NUDCD3: variants seen among roughly 807,000 people sequenced by gnomAD.
NUDCD3 encodes NudC domain containing 3.
NUDCD3 carries 13 observed loss-of-function variants against 39.7 expected under a neutral mutation model. The observed-to-expected ratio is 0.33, with a 90% CI of 0.21 to 0.52. NUDCD3 has a LOEUF of 0.52. NUDCD3 is among the 20% of genes least tolerant of loss of function. NUDCD3 has a pLI of 0.96. For synonymous variants in NUDCD3, 175 were observed against 172.4 expected, an observed-to-expected ratio of 1.02 and a Z score of -0.12; for missense variants, 453 against 458.1, an observed-to-expected ratio of 0.99 and a Z score of 0.10.
intron 3 of NUDCD3, among the ~76,000 whole-genome samples, chr7:44,418,730 T>G (rs529871278): frequency 2.0e-5 from 3 of 152,260 alleles, no homozygotes; most frequent in African/African-American, 7.2e-5. Flanking sequence ...GGTACCCTGT[T>G]CATCTCATTG....
intron 2 of NUDCD3, among the ~76,000 whole-genome samples, chr7:44,460,404 C>T (rs975225054): frequency 6.6e-6 from 1 of 152,160 alleles, no homozygotes; most frequent in South Asian, 2.1e-4. Context: ...TGACTAAGTA[C>T]GGCCTGCCCT....
chr7:44,458,947 T>TGTGC (rs764301166), intron 2 of NUDCD3, among the ~76,000 whole-genome samples: 1 of 127,712 alleles, frequency 7.8e-6, no homozygotes, highest in Non-Finnish European at 1.7e-5. Context: ...TGTGTGTGTG[T>TGTGC]GTGTGTGTGT....
chr7:44,457,484 T>C (rs1799926385), intron 2 of NUDCD3, among the ~76,000 whole-genome samples: 1 of 152,220 alleles, frequency 6.6e-6, no homozygotes, highest in South Asian at 2.1e-4. Context: ...AAGATCACTA[T>C]ACAAAAATCT....
At chr7:44,408,886 T>C (rs1798875159) in intron 3 of NUDCD3, among the ~76,000 whole-genome samples, 1 of 152,234 alleles carries the variant, frequency 6.6e-6, no homozygotes, top group Non-Finnish European at 1.5e-5. Context: ...CTCAAAGAAC[T>C]GTCATCATTT....
At chr7:44,418,189 T>C (rs1365482756) in intron 3 of NUDCD3, among the ~76,000 whole-genome samples, 1 of 152,178 alleles carries the variant, frequency 6.6e-6, no homozygotes, top group Non-Finnish European at 1.5e-5. Context: ...CAGGCCAGCC[T>C]GGACTTCACA....
chr7:44,395,188 T>G (rs1276638843), intron 4 of NUDCD3, among the ~76,000 whole-genome samples: 1 of 152,218 alleles, frequency 6.6e-6, no homozygotes, highest in Non-Finnish European at 1.5e-5. Flanking sequence ...TAAATTTAAG[T>G]TAATTAAAAT....
intron 2 of NUDCD3, among the ~76,000 whole-genome samples, chr7:44,461,057 G>A (rs919957626): frequency 6.6e-6 from 1 of 152,136 alleles, no homozygotes; most frequent in Non-Finnish European, 1.5e-5. Flanking sequence ...ATCTCAAAAC[G>A]CTCCTTCAAG....
chr7:44,414,536 G>A (rs529502198), intron 3 of NUDCD3, among the ~76,000 whole-genome samples: 1 of 152,290 alleles, frequency 6.6e-6, no homozygotes, highest in South Asian at 2.1e-4. Context: ...AATATTTGTT[G>A]AAATATCCCC....
intron 2 of NUDCD3, among the ~76,000 whole-genome samples, chr7:44,435,646 T>C (rs1225466696): frequency 6.6e-6 from 1 of 152,150 alleles, no homozygotes; most frequent in Non-Finnish European, 1.5e-5. Flanking sequence ...TAAAACACAA[T>C]GAGAACATCA....
intron 5 of NUDCD3, among the ~76,000 whole-genome samples, chr7:44,389,892 CCT>C (rs1487701191): frequency 1.3e-5 from 2 of 152,102 alleles, no homozygotes; most frequent in Admixed American, 1.3e-4. Flanking sequence ...TGGTGGAGCC[CCT>C]GACACCTCCA....
intron 3 of NUDCD3, among the ~76,000 whole-genome samples, chr7:44,419,646 G>A (rs1799099604): frequency 6.6e-6 from 1 of 152,228 alleles, no homozygotes; most frequent in Non-Finnish European, 1.5e-5. Context: ...AGCTTCCAGA[G>A]GAAGGAGGAG....
intron 2 of NUDCD3, among the ~76,000 whole-genome samples, chr7:44,433,556 C>T (rs1023391147): frequency 2.6e-5 from 4 of 152,092 alleles, no homozygotes; most frequent in African/African-American, 9.7e-5. Flanking sequence ...TGCATGTATG[C>T]ACACAGTGTG....
chr7:44,390,889 C>T (rs1307658305), intron 5 of NUDCD3, among the ~76,000 whole-genome samples: 2 of 152,202 alleles, frequency 1.3e-5, no homozygotes, highest in Admixed American at 1.3e-4. Flanking sequence ...CTCAGCTGAG[C>T]AGGTGCTGCA....
At chr7:44,416,508 T>TA (rs1362861906) in intron 3 of NUDCD3, among the ~76,000 whole-genome samples, 3 of 148,334 alleles carry the variant, frequency 2.0e-5, no homozygotes, top group Non-Finnish European at 3.0e-5. Flanking sequence ...AAATAAAAAA[T>TA]AAAAAAAATA....
intron 3 of NUDCD3, among the ~76,000 whole-genome samples, chr7:44,414,392 T>C (rs1207033109): frequency 6.6e-6 from 1 of 152,138 alleles, no homozygotes; most frequent in East Asian, 1.9e-4. Flanking sequence ...TAAAAAGAGA[T>C]GGGAGTCACT....
chr7:44,401,706 C>A (rs1017829399), intron 4 of NUDCD3, among the ~76,000 whole-genome samples: 4 of 152,212 alleles, frequency 2.6e-5, no homozygotes, highest in African/African-American at 9.7e-5. Context: ...AGGTGCCCCT[C>A]AGTCTGCAAT....
intron 4 of NUDCD3, among the ~76,000 whole-genome samples, chr7:44,398,620 T>A (rs1015184148): frequency 6.6e-6 from 1 of 152,192 alleles, no homozygotes; most frequent in African/African-American, 2.4e-5. Context: ...CAATCTGCGC[T>A]GATGACTCAC....
chr7:44,427,302 G>C (rs1799254849), intron 3 of NUDCD3, among the ~76,000 whole-genome samples: 1 of 152,210 alleles, frequency 6.6e-6, no homozygotes, highest in African/African-American at 2.4e-5. Context: ...GAAGACATCA[G>C]ATGTGTGGGC....
chr7:44,409,006 G>GGC (rs1368662289), intron 3 of NUDCD3, among the ~76,000 whole-genome samples: 39 of 152,228 alleles, frequency 2.6e-4, no homozygotes, highest in African/African-American at 8.9e-4. Context: ...TTGAAAATAC[G>GGC]GCAAGTGTTT....
Sources: gnomAD v4.1 joint callset for allele counts (sites outside exome capture counted in the v4.1 genomes callset) on GRCh38, gnomAD v4.1.1 for gene constraint, MANE v1.5 for transcripts, NCBI Gene and HGNC (gene_info 2026-07-23, HGNC 2026-07-21) for gene names.